RNF26: variants seen among roughly 807,000 people sequenced by gnomAD.
The protein encoded by RNF26 is ring finger protein 26.
In RNF26, 8 loss-of-function variants were observed where a neutral mutation model predicts 25.4. The ratio of observed to expected loss-of-function variants is 0.31; its 90% confidence interval spans 0.18 to 0.57. RNF26 has a LOEUF of 0.57. RNF26 is among the 20% of genes least tolerant of loss of function. The pLI is 0.90. For missense variants in RNF26, 470 were observed against 552.0 expected (o/e 0.85, Z 1.49); for synonymous variants, 262 against 246.7 (o/e 1.06, Z -0.58).
Position 119,335,678 on chromosome 11 carries a change from G to T in RNF26, c.556G>T (p.Ala186Ser), listed in dbSNP as rs754623788. Residue 186 changes from alanine (A) to serine (S), a missense_variant, in exon 1 of 1, where the codon GCC becomes TCC. By Grantham distance (99) the Ala-to-Ser change is moderately conservative. Coordinates refer to ENST00000311413, the MANE Select transcript of RNF26 (RefSeq NM_032015.5). ...GTGGAGGATGACGGACGTAGTGGCT[G>T]CCTTCCTAGCCCACATTTCCAGCAG... ...PLWRMTDVVA[A>S]FLAHISSSAV... 1 of 1,614,120 alleles carries T rather than the reference G, an allele frequency of 6.2e-7. No individual in the cohort carries two copies. Among genetic ancestry groups the T allele is most frequent in the Non-Finnish European group, 8.5e-7 (1 of 1,179,956 alleles).
In RNF26 at chr11:119,334,976, C is replaced by T. The variant is rs1430225584; in HGVS notation, c.-147C>T. On this transcript the variant is annotated 5_prime_UTR_variant, in exon 1 of 1. Coordinates refer to ENST00000311413, the MANE Select transcript of RNF26 (RefSeq NM_032015.5). ...GACTCCACTTCCGTCTTACCCACTT[C>T]TTCCTCAGATTCTTGGTACCCCCTG... 3.1e-6 allele frequency: 2 copies of T among 639,504 alleles called. No homozygotes were observed. Among genetic ancestry groups the T allele is most frequent in the Non-Finnish European group, 5.4e-6 (2 of 367,194 alleles). 39.6% of individuals were successfully genotyped at this position (639,504 alleles called of 1,614,324 possible).
chr11:119,336,041 C>G lies in RNF26; in HGVS notation c.919C>G (p.Pro307Ala). ...LASWPNRGGA[P>A]GAPQGDPMRV... Reference sequence around the variant, plus strand: ...GAGTTGGCCAAACCGGGGAGGGGCACCTGGAGCTCCCCAGGGTGACCCTAT... The same window carrying G: ...GAGTTGGCCAAACCGGGGAGGGGCAGCTGGAGCTCCCCAGGGTGACCCTAT... The change falls in exon 1 of 1, where the codon CCT becomes GCT. Residue 307 changes from proline (P) to alanine (A), a missense_variant. Physicochemically the swap from Pro to Ala is conservative, Grantham distance 27. Transcript: ENST00000311413. 1 of 1,613,808 alleles carries G rather than the reference C, an allele frequency of 6.2e-7. No homozygotes were observed. The highest frequency in any genetic ancestry group is 8.5e-7 in the Non-Finnish European group (1 of 1,180,016).
Position 119,335,462 on chromosome 11 carries a change from A to G in RNF26, c.340A>G (p.Ile114Val). ...ASHGALRSREILHRGVLNVVS... is the reference protein window; with the variant it reads ...ASHGALRSREVLHRGVLNVVS... ...TCATGGGGCACTGCGGAGCAGGGAG[A>G]TACTGCACCGGGGCGTCCTCAATGT... The change falls in exon 1 of 1, where the codon ATA (isoleucine) becomes GTA (valine). Residue 114 changes from isoleucine to valine, a missense_variant. Transcript: ENST00000311413. 1 of 1,613,602 alleles carries G rather than the reference A, an allele frequency of 6.2e-7. No homozygotes were observed. Among genetic ancestry groups the G allele is most frequent in the Non-Finnish European group, 8.5e-7 (1 of 1,179,700 alleles).
At position 119,335,938 on chromosome 11, in the gene RNF26, G is replaced by A. The variant is rs1180147780; in HGVS notation, c.816G>A (p.Glu272=). Residue 272 remains glutamate, a synonymous_variant, in exon 1 of 1, where the codon GAG becomes GAA. Coordinates refer to ENST00000311413, the MANE Select transcript of RNF26 (RefSeq NM_032015.5). ...GGCCATCCTACCACCGTCTTCGAGA[G>A]GATGTCATGCGGCTCTCTCGCCTAG... ...HARPSYHRLR[E]DVMRLSRLAL... 2.5e-6 allele frequency: 4 copies of A among 1,610,964 alleles called. No individual in the cohort carries two copies. The highest frequency in any genetic ancestry group is 2.2e-5 in the East Asian group (1 of 44,896).
In RNF26 at chr11:119,336,578, G is replaced by C. The variant is rs1270545694; in HGVS notation, c.*154G>C. The C allele has an allele frequency of 1.5e-6, 1 of 676,948 alleles. No homozygotes were observed. Among genetic ancestry groups the C allele is most frequent in the Non-Finnish European group, 2.5e-6 (1 of 392,298 alleles). 41.9% of individuals were successfully genotyped at this position (676,948 alleles called of 1,614,324 possible). On this transcript the variant is annotated 3_prime_UTR_variant, in exon 1 of 1. Coordinates refer to ENST00000311413, the MANE Select transcript of RNF26 (RefSeq NM_032015.5). The stretch of plus-strand genomic sequence containing the variant: ...CCAGGACATTGAGTTGGAAGACTAT[G>C]ATCTGGGTGGGGGCAGGATAACATG...
In RNF26 at chr11:119,335,005, T is replaced by G; in HGVS notation, c.-118T>G. ...CTCAGATTCTTGGTACCCCCTGGGT[T>G]GGAGACTGCTCATTTTCCTTCCAAA... On this transcript the variant is annotated 5_prime_UTR_variant, in exon 1 of 1. Transcript: ENST00000311413. 1 of 748,288 alleles carries G rather than the reference T, an allele frequency of 1.3e-6. No homozygotes were observed. The highest frequency in any genetic ancestry group is 2.2e-6 in the Non-Finnish European group (1 of 451,150). The allele number at this position is 748,288 out of a possible 1,614,324, so 46.4% of individuals were successfully genotyped here. A position where few individuals can be genotyped will look rare whatever the true frequency, so the allele number is the denominator to read the frequency against.
chr11:119,335,111 C>T lies in RNF26; in HGVS notation c.-12C>T, dbSNP rs952341779. On this transcript the variant is annotated 5_prime_UTR_variant, in exon 1 of 1. Coordinates refer to ENST00000311413, the MANE Select transcript of RNF26 (RefSeq NM_032015.5). ...CCAGACTTTGTTTTGGACTAACTTC[C>T]ATAGCCCTATCATGGAGGCAGTGTA... is the stretch of plus-strand genomic sequence containing the variant. 1.9e-6 allele frequency: 3 copies of T among 1,606,754 alleles called. No individual in the cohort carries two copies. Among genetic ancestry groups the T allele is most frequent in the Non-Finnish European group, 1.7e-6 (2 of 1,174,892 alleles).
Position 119,336,258 on chromosome 11 carries a change from AGTGT to A in RNF26, c.1139_1142del (p.Cys380SerfsTer28). ...CTGAAGGAGCAAGAGGAGCGGAAGA[AGTGT>A]GTCATCTGCCAGGACCAGAGCAAGA... On this transcript the variant is annotated frameshift_variant, in exon 1 of 1. Transcript: ENST00000311413. LOFTEE classifies it high-confidence loss of function. The A allele has an allele frequency of 6.2e-7, 1 of 1,613,856 alleles. No individual in the cohort carries two copies. The highest frequency in any genetic ancestry group is 8.5e-7 in the Non-Finnish European group (1 of 1,180,022).
chr11:119,336,547 A>G lies in RNF26; in HGVS notation c.*123A>G, dbSNP rs972470736. The G allele has an allele frequency of 6.2e-6, 5 of 803,720 alleles. No individual in the cohort carries two copies. The highest frequency in any genetic ancestry group is 5.2e-5 in the African/African-American group (3 of 57,574). The allele number at this position is 803,720 out of a possible 1,614,324, so 49.8% of individuals were successfully genotyped here. A position where few individuals can be genotyped will look rare whatever the true frequency, so the allele number is the denominator to read the frequency against. On this transcript the variant is annotated 3_prime_UTR_variant, in exon 1 of 1. Transcript: ENST00000311413. Reference sequence around the variant, plus strand: ...CTCCTACCCCTGTGGCCATCCTGCCATACATCCAGGACATTGAGTTGGAAG... The same window carrying G: ...CTCCTACCCCTGTGGCCATCCTGCCGTACATCCAGGACATTGAGTTGGAAG...
rs761842098 is a variant in RNF26 at position 119,335,841 on chromosome 11, T to C, written c.719T>C (p.Val240Ala). ...GLVLLACVLA[V>A]TVTVLHPDFT... ...GTGTTGCTAGCTTGTGTGCTGGCAG[T>C]GACGGTGACTGTGTTGCATCCGGAC... Residue 240 changes from valine to alanine, a missense_variant, in exon 1 of 1, where the codon GTG (valine) becomes GCG (alanine). Physicochemically the swap from Val to Ala is moderately conservative, Grantham distance 64 (BLOSUM62 0). Transcript: ENST00000311413. 5.6e-6 allele frequency: 9 copies of C among 1,611,170 alleles called. No individual in the cohort carries two copies. The highest frequency in any genetic ancestry group is 7.6e-6 in the Non-Finnish European group (9 of 1,180,020).
At position 119,335,843 on chromosome 11, in the gene RNF26, A is replaced by C. The variant is rs1228044835; in HGVS notation, c.721A>C (p.Thr241Pro). ...GTTGCTAGCTTGTGTGCTGGCAGTGACGGTGACTGTGTTGCATCCGGACTT... is the reference window on the plus strand; with the variant it reads ...GTTGCTAGCTTGTGTGCTGGCAGTGCCGGTGACTGTGTTGCATCCGGACTT... The part of the protein sequence containing the change: ...LVLLACVLAV[T>P]VTVLHPDFTL... The change falls in exon 1 of 1, where the codon ACG (threonine) becomes CCG (proline). Residue 241 changes from threonine to proline, a missense_variant. Thr to Pro is a conservative substitution (Grantham distance 38). Coordinates refer to ENST00000311413, the MANE Select transcript of RNF26 (RefSeq NM_032015.5). 6.2e-7 allele frequency: 1 copy of C among 1,611,014 alleles called. No homozygotes were observed. The highest frequency in any genetic ancestry group is 1.3e-5 in the African/African-American group (1 of 74,936).
Position 119,335,477 on chromosome 11 carries a change from G to A in RNF26, c.355G>A (p.Val119Ile), listed in dbSNP as rs531905313. The A allele has an allele frequency of 6.8e-6, 11 of 1,613,248 alleles. No individual in the cohort carries two copies. Among genetic ancestry groups the A allele is most frequent in the South Asian group, 6.6e-5 (6 of 91,014 alleles). ...LRSREILHRG[V>I]LNVVSSGHAL... ...GAGCAGGGAGATACTGCACCGGGGC[G>A]TCCTCAATGTGGTCTCCAGTGGCCA... is the stretch of plus-strand genomic sequence containing the variant. The change falls in exon 1 of 1, where the codon GTC becomes ATC. Residue 119 changes from valine (V) to isoleucine (I), a missense_variant. Val to Ile is a conservative substitution (Grantham distance 29, BLOSUM62 3). Coordinates refer to ENST00000311413, the MANE Select transcript of RNF26 (RefSeq NM_032015.5).
At position 119,335,860 on chromosome 11, in the gene RNF26, T is replaced by C; in HGVS notation, c.738T>C (p.His246=). 1 of 1,610,094 alleles carries C rather than the reference T, an allele frequency of 6.2e-7. No homozygotes were observed. Among genetic ancestry groups the C allele is most frequent in the East Asian group, 2.2e-5 (1 of 44,882 alleles). The change falls in exon 1 of 1, where the codon CAT becomes CAC. Residue 246 remains histidine, a synonymous_variant. Coordinates refer to ENST00000311413, the MANE Select transcript of RNF26 (RefSeq NM_032015.5). The part of the protein sequence containing the change: ...CVLAVTVTVL[H]PDFTLRLATQ... ...TGGCAGTGACGGTGACTGTGTTGCA[T>C]CCGGACTTCACCCTGAGGCTGGCTA... is the stretch of plus-strand genomic sequence containing the variant.
In RNF26 at chr11:119,336,263, G is replaced by A; in HGVS notation, c.1141G>A (p.Val381Ile). The change falls in exon 1 of 1, where the codon GTC (valine) becomes ATC (isoleucine). Residue 381 changes from valine (V) to isoleucine (I), a missense_variant. Val to Ile is a conservative substitution (Grantham distance 29). Coordinates refer to ENST00000311413, the MANE Select transcript of RNF26 (RefSeq NM_032015.5). ...LKEQEERKKC[V>I]ICQDQSKTVL... Reference sequence around the variant, plus strand: ...GGAGCAAGAGGAGCGGAAGAAGTGTGTCATCTGCCAGGACCAGAGCAAGAC... The same window carrying A: ...GGAGCAAGAGGAGCGGAAGAAGTGTATCATCTGCCAGGACCAGAGCAAGAC... 1 of 1,613,802 alleles carries A rather than the reference G, an allele frequency of 6.2e-7. No individual in the cohort carries two copies.
rs372385504 is a variant in RNF26 at position 119,336,252 on chromosome 11, G to A, written c.1130G>A (p.Arg377Gln). Reference sequence around the variant, plus strand: ...AAATTGCTGAAGGAGCAAGAGGAGCGGAAGAAGTGTGTCATCTGCCAGGAC... The same window carrying A: ...AAATTGCTGAAGGAGCAAGAGGAGCAGAAGAAGTGTGTCATCTGCCAGGAC... Reference protein sequence around the residue: ...PWKLLKEQEERKKCVICQDQS... With the variant: ...PWKLLKEQEEQKKCVICQDQS... The change falls in exon 1 of 1, where the codon CGG becomes CAG. Residue 377 changes from arginine to glutamine, a missense_variant. Physicochemically the swap from Arg to Gln is conservative, Grantham distance 43 (BLOSUM62 1). Coordinates refer to ENST00000311413, the MANE Select transcript of RNF26 (RefSeq NM_032015.5). The A allele has an allele frequency of 1.9e-6, 3 of 1,613,878 alleles. No homozygotes were observed. Among genetic ancestry groups the A allele is most frequent in the Non-Finnish European group, 1.7e-6 (2 of 1,180,038 alleles).
Position 119,335,081 on chromosome 11 carries a change from A to C in RNF26, c.-42A>C. 6.6e-7 allele frequency: 1 copy of C among 1,526,168 alleles called. No homozygotes were observed. The highest frequency in any genetic ancestry group is 1.2e-5 in the South Asian group (1 of 84,890). The allele number at this position is 1,526,168 out of a possible 1,614,324, so 94.5% of individuals were successfully genotyped here. The stretch of plus-strand genomic sequence containing the variant: ...GACAACCTTGACAACCCCCCAACCG[A>C]GGAGCCAGACTTTGTTTTGGACTAA... On this transcript the variant is annotated 5_prime_UTR_variant, in exon 1 of 1. Coordinates refer to ENST00000311413, the MANE Select transcript of RNF26 (RefSeq NM_032015.5).
In RNF26 at chr11:119,335,170, C is replaced by T. The variant is rs1181724797; in HGVS notation, c.48C>T (p.Asp16=). 1.2e-6 allele frequency: 2 copies of T among 1,614,018 alleles called. No homozygotes were observed. The highest frequency in any genetic ancestry group is 4.5e-5 in the East Asian group (2 of 44,892). The change falls in exon 1 of 1, where the codon GAC becomes GAT. Residue 16 remains aspartate, a synonymous_variant. Transcript: ENST00000311413. Reference sequence around the variant, plus strand: ...TGAATGGGTTGGGCCTGGTGCTGGACGTGCTGACCTTGGTGTTGGACCTCA... The same window carrying T: ...TGAATGGGTTGGGCCTGGTGCTGGATGTGCTGACCTTGGTGTTGGACCTCA... ...LVVNGLGLVL[D]VLTLVLDLNF...
At position 119,336,033 on chromosome 11, in the gene RNF26, G is replaced by A. The variant is rs761546321; in HGVS notation, c.911G>A (p.Gly304Glu). Residue 304 changes from glycine (G) to glutamate (E), a missense_variant, in exon 1 of 1, where the codon GGA (glycine) becomes GAA (glutamate). Coordinates refer to ENST00000311413, the MANE Select transcript of RNF26 (RefSeq NM_032015.5). ...CAGCTGGCGAGTTGGCCAAACCGGG[G>A]AGGGGCACCTGGAGCTCCCCAGGGT... ...SLQLASWPNRGGAPGAPQGDP... is the reference protein window; with the variant it reads ...SLQLASWPNREGAPGAPQGDP... 1 of 1,613,780 alleles carries A rather than the reference G, an allele frequency of 6.2e-7. No homozygotes were observed. The highest frequency in any genetic ancestry group is 8.5e-7 in the Non-Finnish European group (1 of 1,180,018).
chr11:119,335,093 T>G lies in RNF26; in HGVS notation c.-30T>G. The G allele has an allele frequency of 6.4e-7, 1 of 1,566,222 alleles. No individual in the cohort carries two copies. The highest frequency in any genetic ancestry group is 8.7e-7 in the Non-Finnish European group (1 of 1,144,388). ...AACCCCCCAACCGAGGAGCCAGACT[T>G]TGTTTTGGACTAACTTCCATAGCCC... On this transcript the variant is annotated 5_prime_UTR_variant, in exon 1 of 1. Transcript: ENST00000311413.
Sources: allele counts gnomAD v4.1 joint callset, GRCh38; gene constraint gnomAD v4.1.1; transcripts MANE v1.5; gene names NCBI Gene and HGNC (gene_info 2026-07-23, HGNC 2026-07-21).